LEKR1: variants seen among roughly 807,000 people sequenced by gnomAD.
LEKR1 encodes the protein leucine, glutamate and lysine rich 1, also known as protein LEKR1.
LEKR1 carries 59 observed loss-of-function variants against 72.4 expected under a neutral mutation model. The ratio of observed to expected loss-of-function variants is 0.82; its 90% CI spans 0.66 to 1.01. LEKR1 has a LOEUF of 1.01. LEKR1 is among the 50% of genes least tolerant of loss of function. The probability of loss-of-function intolerance (pLI) is 0.00; values close to 1 mark genes in which losing one functional copy is unlikely to be tolerated. For missense variants in LEKR1, 728 were observed against 759.2 expected, an observed-to-expected ratio of 0.96 and a Z score of 0.48; for synonymous variants, 257 against 263.2, an observed-to-expected ratio of 0.98 and a Z score of 0.23.
intron 3 of LEKR1, among the ~76,000 whole-genome samples, chr3:156,869,323 A>G (rs577097443): frequency 6.6e-6 from 1 of 152,214 alleles, no homozygotes; most frequent in African/African-American, 2.4e-5. Context: ...TCAACAATGT[A>G]TAAGGGCTCC....
chr3:156,982,535 A>G (rs1043586177), intron 7 of LEKR1, among the ~76,000 whole-genome samples: 1 of 152,188 alleles, frequency 6.6e-6, no homozygotes, highest in Admixed American at 6.5e-5. Context: ...ATTACCTTAG[A>G]CCAAGCAAGA....
chr3:157,002,374 A>G (rs985733966), intron 9 of LEKR1, among the ~76,000 whole-genome samples: 1 of 152,054 alleles, frequency 6.6e-6, no homozygotes, highest in Non-Finnish European at 1.5e-5. Context: ...CTCTTTATCA[A>G]TGGCCTAAGA....
chr3:156,847,008 G>T (rs1258658809), intron 2 of LEKR1, among the ~76,000 whole-genome samples: 2 of 151,880 alleles, frequency 1.3e-5, no homozygotes, highest in Non-Finnish European at 2.9e-5. Context: ...TAGAAATAAG[G>T]TCTCACCGTG....
intron 6 of LEKR1, chr3:156,977,559 A>G: frequency 2.9e-6 from 1 of 345,718 alleles, no homozygotes; most frequent in Admixed American, 3.6e-5. Flanking sequence ...AACTCAAAGG[A>G]AGCAGAGGAT....
chr3:156,952,293 G>A (rs572366698), intron 6 of LEKR1, among the ~76,000 whole-genome samples: 3 of 151,510 alleles, frequency 2.0e-5, no homozygotes, highest in African/African-American at 4.8e-5. Flanking sequence ...GAGGCACATC[G>A]AAACCATGTG....
chr3:156,835,863 C>CTTTTTTTTTTT (rs59061418), intron 2 of LEKR1, among the ~76,000 whole-genome samples: 1 of 55,534 alleles, frequency 1.8e-5, no homozygotes, highest in Non-Finnish European at 3.2e-5. Flanking sequence ...CTCTGTCTCA[C>CTTTTTTTTTTT]TTTTTTTTTT....
At chr3:156,858,267 C>CAG (rs1246314954) in intron 3 of LEKR1, among the ~76,000 whole-genome samples, 1 of 151,062 alleles carries the variant, frequency 6.6e-6, no homozygotes, top group Non-Finnish European at 1.5e-5. Flanking sequence ...GAGTGAAGGA[C>CAG]AGAGAGAGAG....
At chr3:156,937,896 GA>G (rs1220957473) in intron 5 of LEKR1, among the ~76,000 whole-genome samples, 1 of 152,138 alleles carries the variant, frequency 6.6e-6, no homozygotes, top group African/African-American at 2.4e-5. Context: ...TATGCTGAGT[GA>G]AAATAGCCAG....
chr3:156,829,547 T>A (rs1457025177), intron 2 of LEKR1, among the ~76,000 whole-genome samples, 170 bp downstream of exon 2: 1 of 152,208 alleles, frequency 6.6e-6, no homozygotes, highest in Non-Finnish European at 1.5e-5. Context: ...AGAATTCAAT[T>A]CAGTATGAAG....
At chr3:156,885,595 T>C (rs1719968360) in intron 3 of LEKR1, among the ~76,000 whole-genome samples, 1 of 152,250 alleles carries the variant, frequency 6.6e-6, no homozygotes, top group African/African-American at 2.4e-5. Flanking sequence ...CAAGTGGGGC[T>C]GGTGCTGTCC....
At chr3:156,965,815 A>T (rs1728509390) in intron 6 of LEKR1, among the ~76,000 whole-genome samples, 2 of 152,224 alleles carry the variant, frequency 1.3e-5, no homozygotes, top group African/African-American at 4.8e-5. Context: ...TGTTAATTTG[A>T]TATTGACACA....
In LEKR1 at chr3:157,036,025, C is replaced by T. The variant is rs111622478; in HGVS notation, c.1668+7623C>T. Among the ~76,000 whole-genome samples, 227 of 152,300 alleles carry T rather than the reference C, an allele frequency of 1.5e-3. 1 individual carries two copies. Among genetic ancestry groups the T allele is most frequent in the African/African-American group, 5.2e-3 (218 of 41,568 alleles). On this transcript the variant is annotated intron_variant, in intron 12 of 12. Transcript: ENST00000356539. ...AGCCAATAAACTGTATACAAGCACACTGAGCTTAAGGTAACATTTTGGGGA... is the reference window on the plus strand; with the variant it reads ...AGCCAATAAACTGTATACAAGCACATTGAGCTTAAGGTAACATTTTGGGGA...
intron 6 of LEKR1, among the ~76,000 whole-genome samples, chr3:156,976,301 T>A (rs1396054446): frequency 6.6e-6 from 1 of 152,180 alleles, no homozygotes; most frequent in African/African-American, 2.4e-5. Flanking sequence ...CATTTTAAGA[T>A]AAGTCTTCCT....
chr3:156,947,837 C>T (rs999986493), intron 6 of LEKR1, among the ~76,000 whole-genome samples: 14 of 151,164 alleles, frequency 9.3e-5, no homozygotes, highest in African/African-American at 3.1e-4. Flanking sequence ...TTTCTGTCTC[C>T]ACCATTCTTA....
intron 10 of LEKR1, 77 bp downstream of exon 10, chr3:157,011,583 TC>T: frequency 1.0e-6 from 1 of 963,404 alleles, no homozygotes; most frequent in Non-Finnish European, 1.7e-6. Flanking sequence ...AGAAGACTCT[TC>T]CGGATAGATT....
intron 12 of LEKR1, among the ~76,000 whole-genome samples, chr3:157,043,900 GT>G (rs1279021361): frequency 6.6e-6 from 1 of 152,152 alleles, no homozygotes; most frequent in African/African-American, 2.4e-5. Context: ...TAAATGATGA[GT>G]ATTTGTTTGA....
At chr3:157,036,532 A>G (rs1253647825) in intron 12 of LEKR1, among the ~76,000 whole-genome samples, 2 of 152,212 alleles carry the variant, frequency 1.3e-5, no homozygotes, top group Non-Finnish European at 2.9e-5. Flanking sequence ...AGAGTTCTCA[A>G]AAATGATACT....
intron 4 of LEKR1, 79 bp from the exon 5 acceptor site, chr3:156,927,350 C>A: frequency 2.1e-6 from 1 of 480,926 alleles, no homozygotes; most frequent in Non-Finnish European, 3.0e-6. Context: ...ATTATATGGT[C>A]ACTCTAAAAC....
At chr3:156,950,742 T>C (rs1400082611) in intron 6 of LEKR1, among the ~76,000 whole-genome samples, 1 of 151,718 alleles carries the variant, frequency 6.6e-6, no homozygotes, top group Non-Finnish European at 1.5e-5. Context: ...CTAAAGCTGT[T>C]TATCAACTCA....
Sources: allele counts gnomAD v4.1 joint callset (sites outside exome capture counted in the v4.1 genomes callset), GRCh38; gene constraint gnomAD v4.1.1; transcripts MANE v1.5; gene names NCBI Gene and HGNC (gene_info 2026-07-23, HGNC 2026-07-21).